FADD: variants seen among roughly 807,000 people sequenced by gnomAD.
FADD encodes Fas associated via death domain, also known as FAS-associated death domain protein.
In FADD, 3 loss-of-function variants were observed where a neutral mutation model predicts 5.8. The observed-to-expected ratio is 0.52, with a 90% confidence interval of 0.24 to 1.34. The LOEUF (loss-of-function observed/expected upper bound fraction) is 1.34. FADD is among the 40% of genes most tolerant of loss of function. The pLI, the probability that FADD is intolerant of heterozygous loss-of-function variation, is 0.17. For missense variants in FADD, 249 were observed against 286.7 expected, an observed-to-expected ratio of 0.87 and a Z score of 0.95; for synonymous variants, 138 against 130.8, an observed-to-expected ratio of 1.06 and a Z score of -0.38.
At position 70,203,414 on chromosome 11, in the gene FADD, C is replaced by A. The variant is rs756748730; in HGVS notation, c.-46C>A. The A allele has an allele frequency of 6.5e-7, 1 of 1,548,828 alleles. No homozygotes were observed. The highest frequency in any genetic ancestry group is 2.4e-5 in the East Asian group (1 of 40,964). ...GGGCCAGCGAGCCGAGGACAGAGGGCGCACGGAGGGCCGGGCCGCAGCCCC... is the reference window on the plus strand; with the variant it reads ...GGGCCAGCGAGCCGAGGACAGAGGGAGCACGGAGGGCCGGGCCGCAGCCCC... On this transcript the variant is annotated 5_prime_UTR_variant, in exon 1 of 2. Transcript: ENST00000301838.
At position 70,206,359 on chromosome 11, in the gene FADD, C is replaced by A. The variant is rs1362474881; in HGVS notation, c.513C>A (p.Asn171Lys). 3.7e-6 allele frequency: 6 copies of A among 1,614,068 alleles called. No individual in the cohort carries two copies. Among genetic ancestry groups the A allele is most frequent in the African/African-American group, 1.3e-5 (1 of 74,924 alleles). ...GGGCTCTCAGGTCCTGCCAGATGAA[C>A]CTGGTGGCTGACCTGGTACAAGAGG... ...LVGALRSCQMNLVADLVQEVQ... is the reference protein window; with the variant it reads ...LVGALRSCQMKLVADLVQEVQ... Residue 171 changes from asparagine to lysine, a missense_variant, in exon 2 of 2, where the codon AAC becomes AAA. Physicochemically the swap from Asn to Lys is moderately conservative, Grantham distance 94. Coordinates refer to ENST00000301838, the MANE Select transcript of FADD (RefSeq NM_003824.4).
chr11:70,204,100 GCTGT>G lies in FADD; in HGVS notation c.286+359_286+362del, dbSNP rs1481998505. 2.6e-5 allele frequency among the ~76,000 whole-genome samples: 4 copies of G among 152,318 alleles called. No individual in the cohort carries two copies. The East Asian group carries it at 5.8e-4, about 22-fold the overall frequency. On this transcript the variant is annotated intron_variant, in intron 1 of 1. Transcript: ENST00000301838. ...TCTGTCTCGGAATATGCTTTTCACG[GCTGT>G]CTGAGAGTAATACTAGCATTCAGTA... is the stretch of plus-strand genomic sequence containing the variant.
chr11:70,203,699 C>A lies in FADD; in HGVS notation c.240C>A (p.Asp80Glu). ...GCCACGACCTGCTGCGGCGCGTCGA[C>A]GACTTCGAGGCGGGGGCGGCGGCCG... ...LRRHDLLRRV[D>E]DFEAGAAAGA... Residue 80 changes from aspartate to glutamate, a missense_variant, in exon 1 of 2, where the codon GAC becomes GAA. By Grantham distance (45) the Asp-to-Glu change is conservative (BLOSUM62 2). Coordinates refer to ENST00000301838, the MANE Select transcript of FADD (RefSeq NM_003824.4). 2 of 1,480,370 alleles carry A rather than the reference C, an allele frequency of 1.4e-6. No individual in the cohort carries two copies. The highest frequency in any genetic ancestry group is 1.3e-5 in the South Asian group (1 of 74,428). 91.7% of individuals were successfully genotyped at this position (1,480,370 alleles called of 1,614,324 possible).
chr11:70,204,015 G>A, intron 1 of FADD, among the ~76,000 whole-genome samples: 1 of 152,234 alleles, frequency 6.6e-6, no homozygotes, highest in South Asian at 2.1e-4. Context: ...GAAAAGATGA[G>A]TCAGAGAAGG....
intron 1 of FADD, among the ~76,000 whole-genome samples, chr11:70,204,303 C>G (rs2049443746): frequency 6.6e-6 from 1 of 152,196 alleles, no homozygotes; most frequent in Admixed American, 6.5e-5. Context: ...CGATAACTGA[C>G]GGAGCTAGGC....
chr11:70,204,558 G>T (rs1032240778), intron 1 of FADD, among the ~76,000 whole-genome samples: 2 of 152,178 alleles, frequency 1.3e-5, no homozygotes, highest in African/African-American at 4.8e-5. Flanking sequence ...CCTCTCAGAG[G>T]CTTCAAGCTG....
intron 1 of FADD, among the ~76,000 whole-genome samples, chr11:70,204,410 G>A (rs1280193808): frequency 6.6e-6 from 1 of 152,130 alleles, no homozygotes; most frequent in Non-Finnish European, 1.5e-5. Context: ...TCCTGCTCTC[G>A]GTCACTCCCT....
rs376049156 is a variant in FADD at position 70,205,528 on chromosome 11, T to C, written c.287-605T>C. On this transcript the variant is annotated intron_variant, in intron 1 of 1. Transcript: ENST00000301838. Reference sequence around the variant, plus strand: ...CTGTTGGGGAGGCTCCTTCCGGGTCTCGTCCGCTTTGTGGTGGCTCCAGGC... The same window carrying C: ...CTGTTGGGGAGGCTCCTTCCGGGTCCCGTCCGCTTTGTGGTGGCTCCAGGC... Among the ~76,000 whole-genome samples the C allele has an allele frequency of 6.2e-4, 95 of 152,260 alleles. 1 individual carries two copies. The South Asian group carries it at 8.1e-3, about 13-fold the overall frequency.
chr11:70,205,629 T>G (rs1160573903), intron 1 of FADD, among the ~76,000 whole-genome samples: 1 of 152,324 alleles, frequency 6.6e-6, no homozygotes, highest in South Asian at 2.1e-4. Context: ...ATACCTATCA[T>G]TGGTGCATCC....
rs778748017 is a variant in FADD at position 70,206,350 on chromosome 11, C to G, written c.504C>G (p.Cys168Trp). 3 of 1,614,168 alleles carry G rather than the reference C, an allele frequency of 1.9e-6. No individual in the cohort carries two copies. The highest frequency in any genetic ancestry group is 2.5e-6 in the Non-Finnish European group (3 of 1,180,034). The change falls in exon 2 of 2, where the codon TGC becomes TGG. Residue 168 changes from cysteine to tryptophan, a missense_variant. Coordinates refer to ENST00000301838, the MANE Select transcript of FADD (RefSeq NM_003824.4). ...ACCTGGTGGGGGCTCTCAGGTCCTG[C>G]CAGATGAACCTGGTGGCTGACCTGG... ...VAHLVGALRSCQMNLVADLVQ... is the reference protein window; with the variant it reads ...VAHLVGALRSWQMNLVADLVQ...
rs986684113 is a variant in FADD at position 70,206,528 on chromosome 11, G to C, written c.*55G>C. The C allele has an allele frequency of 1.2e-5, 19 of 1,544,524 alleles. No individual in the cohort carries two copies. The highest frequency in any genetic ancestry group is 1.8e-4 in the Middle Eastern group (1 of 5,442). ...AGGCATCTACACAGCCTGGACTTTG[G>C]TTCTCTCCAGGAAGGTAGCCCAGCA... On this transcript the variant is annotated 3_prime_UTR_variant, in exon 2 of 2. Coordinates refer to ENST00000301838, the MANE Select transcript of FADD (RefSeq NM_003824.4).
chr11:70,204,742 G>A (rs1450644996), intron 1 of FADD, among the ~76,000 whole-genome samples: 1 of 152,210 alleles, frequency 6.6e-6, no homozygotes, highest in Non-Finnish European at 1.5e-5. Flanking sequence ...AACAAAACAG[G>A]ACGTAGAAAA....
rs986684113 is a variant in FADD, at chr11:70,206,528, G to A, written c.*55G>A. 145 of 1,544,524 alleles carry A rather than the reference G, an allele frequency of 9.4e-5. No individual in the cohort carries two copies. The highest frequency in any genetic ancestry group is 1.2e-4 in the Non-Finnish European group (140 of 1,127,046). On this transcript the variant is annotated 3_prime_UTR_variant, in exon 2 of 2. Transcript: ENST00000301838. ...AGGCATCTACACAGCCTGGACTTTG[G>A]TTCTCTCCAGGAAGGTAGCCCAGCA...
chr11:70,204,042 A>T (rs2049441972), intron 1 of FADD, among the ~76,000 whole-genome samples: 1 of 151,936 alleles, frequency 6.6e-6, no homozygotes, highest in Non-Finnish European at 1.5e-5. Context: ...GGAGGGGCAG[A>T]GGTTGGGTGA....
In FADD at chr11:70,206,662, T is replaced by C; in HGVS notation, c.*189T>C. On this transcript the variant is annotated 3_prime_UTR_variant, in exon 2 of 2. Transcript: ENST00000301838. ...CCCGCACCAGGCCGGGCTTGGGCCCTGCACAGATATTTCCATTTCTTCCTC... is the reference window on the plus strand; with the variant it reads ...CCCGCACCAGGCCGGGCTTGGGCCCCGCACAGATATTTCCATTTCTTCCTC... The C allele has an allele frequency of 1.6e-6, 1 of 608,248 alleles. No individual in the cohort carries two copies. Among genetic ancestry groups the C allele is most frequent in the Non-Finnish European group, 2.9e-6 (1 of 342,032 alleles). The allele number at this position is 608,248 out of a possible 1,614,324, so 37.7% of individuals were successfully genotyped here.
At chr11:70,205,199 C>G (rs1335139643) in intron 1 of FADD, among the ~76,000 whole-genome samples, 1 of 152,190 alleles carries the variant, frequency 6.6e-6, no homozygotes, top group Non-Finnish European at 1.5e-5. Flanking sequence ...CCAAGCAGCA[C>G]CCTGTCCTGC....
Position 70,206,811 on chromosome 11 carries a change from A to G in FADD, c.*338A>G, listed in dbSNP as rs987146930. 5.8e-6 allele frequency: 2 copies of G among 342,018 alleles called. No homozygotes were observed. The highest frequency in any genetic ancestry group is 5.6e-6 in the Non-Finnish European group (1 of 179,938). 21.2% of individuals were successfully genotyped at this position (342,018 alleles called of 1,614,324 possible). ...ATGAGCAGTCACACTGTTACTCCAC[A>G]GCGGAGGAGACCAGCTCAGAGGCCC... is the stretch of plus-strand genomic sequence containing the variant. On this transcript the variant is annotated 3_prime_UTR_variant, in exon 2 of 2. Coordinates refer to ENST00000301838, the MANE Select transcript of FADD (RefSeq NM_003824.4).
Position 70,206,511 on chromosome 11 carries a change from A to G in FADD, c.*38A>G, listed in dbSNP as rs2135900181. 1 of 1,589,380 alleles carries G rather than the reference A, an allele frequency of 6.3e-7. No homozygotes were observed. Among genetic ancestry groups the G allele is most frequent in the Non-Finnish European group, 8.6e-7 (1 of 1,161,374 alleles). ...TTGCGCTGGTGGACCACAGGCATCT[A>G]CACAGCCTGGACTTTGGTTCTCTCC... On this transcript the variant is annotated 3_prime_UTR_variant, in exon 2 of 2. Coordinates refer to ENST00000301838, the MANE Select transcript of FADD (RefSeq NM_003824.4).
intron 1 of FADD, among the ~76,000 whole-genome samples, chr11:70,204,250 G>A (rs1158865125): frequency 6.6e-6 from 1 of 152,226 alleles, no homozygotes; most frequent in East Asian, 1.9e-4. Flanking sequence ...CAGAGGACAG[G>A]ACTGTGGCTC....
Sources: allele counts gnomAD v4.1 joint callset (sites outside exome capture counted in the v4.1 genomes callset), GRCh38; gene constraint gnomAD v4.1.1; transcripts MANE v1.5; gene names NCBI Gene and HGNC (gene_info 2026-07-23, HGNC 2026-07-21).